C1orf141: variants seen among roughly 807,000 people sequenced by gnomAD.
C1orf141 encodes chromosome 1 open reading frame 141.
C1orf141 carries 19 observed loss-of-function variants against 23.2 expected under a neutral mutation model. The ratio of observed to expected loss-of-function variants is 0.82; its 90% CI spans 0.57 to 1.20. The LOEUF is 1.20. C1orf141 is among the 50% of genes most tolerant of loss of function. The probability of loss-of-function intolerance (pLI) is 0.00; values close to 1 mark genes in which losing one functional copy is unlikely to be tolerated. For missense variants in C1orf141, 469 were observed against 455.1 expected (o/e 1.03, Z -0.28); for synonymous variants, 153 against 154.6 (o/e 0.99, Z 0.08).
At chr1:67,095,554 C>A in intron 6 of C1orf141, 133 bp from the exon 7 acceptor site, 2 of 558,612 alleles carry the variant, frequency 3.6e-6, no homozygotes, top group South Asian at 2.8e-5. Flanking sequence ...CTTTTCAAAC[C>A]GACAAGATCA....
chr1:67,103,316 C>A (rs891177516), intron 5 of C1orf141: 1 of 1,488,450 alleles, frequency 6.7e-7, no homozygotes, highest in South Asian at 1.4e-5. Context: ...TCTGTAGAAC[C>A]CAGTGATCTT....
At chr1:67,111,658 C>A in intron 5 of C1orf141, 1 of 1,252,212 alleles carries the variant, frequency 8.0e-7, no homozygotes, top group Admixed American at 2.9e-5. Context: ...AAGAAACAAA[C>A]ATAAGTATTT....
At chr1:67,117,693 C>A (rs1240820983) in intron 4 of C1orf141, among the ~76,000 whole-genome samples, 8 of 152,110 alleles carry the variant, frequency 5.3e-5, no homozygotes, top group African/African-American at 1.9e-4. Flanking sequence ...TCAAGGGTTT[C>A]TAAGGATGAT....
At chr1:67,100,244 GT>G (rs1430700843) in intron 5 of C1orf141, among the ~76,000 whole-genome samples, 1 of 152,032 alleles carries the variant, frequency 6.6e-6, no homozygotes, top group Admixed American at 6.6e-5. Flanking sequence ...TTGGATACCT[GT>G]TTTCTTCCCT....
At chr1:67,097,105 T>G (rs1293304922) in intron 5 of C1orf141, among the ~76,000 whole-genome samples, 1 of 152,010 alleles carries the variant, frequency 6.6e-6, no homozygotes, top group African/African-American at 2.4e-5. Flanking sequence ...GCCCCTGTAA[T>G]CCCAGCTACT....
At chr1:67,121,518 A>T (rs1342992865) in intron 4 of C1orf141, 1 of 152,250 alleles carries the variant, frequency 6.6e-6, no homozygotes. Flanking sequence ...GCATACTGTT[A>T]TACAAATTTC....
intron 3 of C1orf141, 72 bp downstream of exon 3, chr1:67,127,094 A>G: frequency 9.5e-7 from 1 of 1,049,176 alleles, no homozygotes; most frequent in Non-Finnish European, 1.4e-6. Context: ...TTAGCTAAAA[A>G]GTAAAATTAT....
chr1:67,127,095 G>T, intron 3 of C1orf141, 71 bp downstream of exon 3: 1 of 1,066,564 alleles, frequency 9.4e-7, no homozygotes, highest in Non-Finnish European at 1.4e-6. Flanking sequence ...TAGCTAAAAA[G>T]TAAAATTATT....
chr1:67,130,394 T>C (rs1021877522), intron 2 of C1orf141, among the ~76,000 whole-genome samples: 1 of 152,180 alleles, frequency 6.6e-6, no homozygotes, highest in Admixed American at 6.5e-5. Context: ...GCTGAAACAA[T>C]GCTGCTCATT....
intron 4 of C1orf141, among the ~76,000 whole-genome samples, chr1:67,119,603 GT>G: frequency 6.6e-6 from 1 of 152,192 alleles, no homozygotes; most frequent in East Asian, 1.9e-4. Flanking sequence ...TAAGTTGACT[GT>G]TTGATAGGTA....
chr1:67,128,291 T>G (rs1646454968), intron 2 of C1orf141, among the ~76,000 whole-genome samples: 2 of 152,060 alleles, frequency 1.3e-5, no homozygotes, highest in Non-Finnish European at 2.9e-5. Context: ...ACCCTATTAG[T>G]GTAATAGAAA....
intron 1 of C1orf141, among the ~76,000 whole-genome samples, chr1:67,133,676 C>T (rs1197003194): frequency 1.3e-5 from 2 of 151,998 alleles, no homozygotes; most frequent in Admixed American, 1.3e-4. Flanking sequence ...GGCCTCTGGC[C>T]AGTATGACTG....
intron 5 of C1orf141, among the ~76,000 whole-genome samples, chr1:67,110,134 A>G (rs1646035400): frequency 2.0e-5 from 3 of 152,180 alleles, no homozygotes; most frequent in Admixed American, 6.5e-5. Flanking sequence ...AAAGCTGAAT[A>G]TAATAGTTGA....
intron 1 of C1orf141, among the ~76,000 whole-genome samples, chr1:67,131,643 C>T (rs1185811012): frequency 6.6e-6 from 1 of 152,090 alleles, no homozygotes; most frequent in South Asian, 2.1e-4. Context: ...CCATTTTCTA[C>T]CACTCTTACT....
At chr1:67,132,964 A>G (rs1351128464) in intron 1 of C1orf141, among the ~76,000 whole-genome samples, 1 of 152,210 alleles carries the variant, frequency 6.6e-6, no homozygotes, top group African/African-American at 2.4e-5. Context: ...TGAATTCCCA[A>G]TTACTCTCAC....
intron 2 of C1orf141, among the ~76,000 whole-genome samples, chr1:67,128,985 T>A (rs1478839480): frequency 6.6e-6 from 1 of 152,198 alleles, no homozygotes; most frequent in Non-Finnish European, 1.5e-5. Flanking sequence ...AAAGTTTACA[T>A]TATTTTGTAA....
At chr1:67,129,764 A>T (rs1441409864) in intron 2 of C1orf141, among the ~76,000 whole-genome samples, 3 of 152,190 alleles carry the variant, frequency 2.0e-5, no homozygotes, top group African/African-American at 7.2e-5. Context: ...GCTACTGAAA[A>T]GACCTGTGGC....
At chr1:67,098,475 G>A (rs995190718) in intron 5 of C1orf141, among the ~76,000 whole-genome samples, 4 of 151,540 alleles carry the variant, frequency 2.6e-5, no homozygotes, top group African/African-American at 9.7e-5. Flanking sequence ...AGTGGAGATC[G>A]TGCCACCACA....
intron 1 of C1orf141, among the ~76,000 whole-genome samples, chr1:67,139,996 C>G (rs1277712439): frequency 6.6e-6 from 1 of 152,134 alleles, no homozygotes; most frequent in South Asian, 2.1e-4. Flanking sequence ...AGCATAACCC[C>G]CTCACCATGT....
Sources: allele counts gnomAD v4.1 joint callset (sites outside exome capture counted in the v4.1 genomes callset), GRCh38; gene constraint gnomAD v4.1.1; transcripts MANE v1.5; gene names NCBI Gene and HGNC (gene_info 2026-07-23, HGNC 2026-07-21).